Variants in RBMS3 observed in about 807,000 individuals in gnomAD.
RBMS3 encodes the protein RNA-binding motif, single-stranded-interacting protein 3.
In RBMS3, 27 loss-of-function variants were observed where a neutral mutation model predicts 66.8. The observed-to-expected ratio is 0.40, with a 90% CI of 0.30 to 0.56. RBMS3 has a LOEUF of 0.56. Among genes scored for constraint, RBMS3 ranks in the 20% least tolerant of loss-of-function variants. RBMS3 has a pLI of 0.40. For synonymous variants in RBMS3, 188 were observed against 183.0 expected (o/e 1.03, Z -0.22); for missense variants, 513 against 549.5 (o/e 0.93, Z 0.66).
intron 5 of RBMS3, among the ~76,000 whole-genome samples, chr3:29,742,412 C>A (rs2054688447): frequency 1.3e-5 from 2 of 152,176 alleles, no homozygotes; most frequent in African/African-American, 4.8e-5. Flanking sequence ...CAGCATCATT[C>A]TTGATATTGC....
chr3:29,387,275 C>G (rs2039052891), intron 1 of RBMS3, among the ~76,000 whole-genome samples: 1 of 152,044 alleles, frequency 6.6e-6, no homozygotes, highest in Non-Finnish European at 1.5e-5. Context: ...AATAGGAATT[C>G]CAAAGTTAAC....
At chr3:29,739,656 C>G in intron 4 of RBMS3, 64 bp from the exon 5 acceptor site, 1 of 1,372,500 alleles carries the variant, frequency 7.3e-7, no homozygotes, top group Non-Finnish European at 9.7e-7. Context: ...ACAAAAGTTT[C>G]TCTATTTGTA....
intron 12 of RBMS3, among the ~76,000 whole-genome samples, chr3:29,951,869 T>C (rs1246178189): frequency 6.6e-6 from 1 of 151,640 alleles, no homozygotes; most frequent in Non-Finnish European, 1.5e-5. Context: ...AGTGAAAAGA[T>C]GACAAAAGTG....
At chr3:29,600,171 C>G (rs1334372088) in intron 4 of RBMS3, among the ~76,000 whole-genome samples, 1 of 152,000 alleles carries the variant, frequency 6.6e-6, no homozygotes, top group Non-Finnish European at 1.5e-5. Context: ...TAATTTCCTT[C>G]TAGAAACCCA....
intron 3 of RBMS3, among the ~76,000 whole-genome samples, chr3:29,518,192 C>T (rs977362405): frequency 6.6e-6 from 1 of 152,164 alleles, no homozygotes; most frequent in Non-Finnish European, 1.5e-5. Flanking sequence ...GTAGCTAGCA[C>T]CTGTATTACT....
chr3:29,866,740 G>A (rs2059372518), intron 6 of RBMS3, among the ~76,000 whole-genome samples: 2 of 152,090 alleles, frequency 1.3e-5, no homozygotes, highest in Admixed American at 6.5e-5. Context: ...TAAAGAATTA[G>A]GAATCAGAAT....
rs75647108 is a variant in RBMS3, at chr3:29,910,166, A to G, written c.939+10411A>G. 3.6e-3 allele frequency among the ~76,000 whole-genome samples: 550 copies of G among 152,252 alleles called. 8 individuals are homozygous for G. In the East Asian group the frequency reaches 0.049, roughly 14 times the overall value. On this transcript the variant is annotated intron_variant, in intron 10 of 14. Transcript: ENST00000383767. ...TATTAAATTCTTATTTCCTAAAGAA[A>G]GAAAATATGCAGCTAAAATAAAGTC...
At chr3:29,895,317 A>T (rs931971544) in intron 8 of RBMS3, among the ~76,000 whole-genome samples, 1 of 151,498 alleles carries the variant, frequency 6.6e-6, no homozygotes, top group Non-Finnish European at 1.5e-5. Flanking sequence ...CACTCTCTTT[A>T]GTGTACAGTT....
At chr3:29,738,559 CATT>C (rs1413739362) in intron 4 of RBMS3, among the ~76,000 whole-genome samples, 1 of 152,130 alleles carries the variant, frequency 6.6e-6, no homozygotes, top group Non-Finnish European at 1.5e-5. Flanking sequence ...CTTATTTAAG[CATT>C]ATTGGTGCTG....
intron 4 of RBMS3, among the ~76,000 whole-genome samples, chr3:29,637,040 G>C (rs2049503094): frequency 6.6e-6 from 1 of 151,892 alleles, no homozygotes; most frequent in African/African-American, 2.4e-5. Context: ...AATGAGGCTG[G>C]AGAAAGTTTC....
In RBMS3 at chr3:29,325,514, A is replaced by ATG. The variant is rs1553633558; in HGVS notation, c.75+43770_75+43771dup. ...TCCCATTAAATGCATATATATATAT[A>ATG]TGTGTGTGTGTGTATGTATGTATAT... On this transcript the variant is annotated intron_variant, in intron 1 of 14. Transcript: ENST00000383767. 1.4e-3 allele frequency among the ~76,000 whole-genome samples: 211 copies of ATG among 149,806 alleles called. 1 individual carries two copies. The highest frequency in any genetic ancestry group is 4.6e-3 in the African/African-American group (188 of 41,094).
At chr3:29,921,983 G>A (rs1189414725) in intron 10 of RBMS3, among the ~76,000 whole-genome samples, 1 of 152,084 alleles carries the variant, frequency 6.6e-6, no homozygotes, top group Admixed American at 6.6e-5. Flanking sequence ...TGGCTCAACT[G>A]TGACTCTAGG....
intron 1 of RBMS3, among the ~76,000 whole-genome samples, chr3:29,315,898 A>G (rs1451711032): frequency 1.3e-5 from 2 of 151,664 alleles, no homozygotes; most frequent in African/African-American, 4.8e-5. Flanking sequence ...CCCACAAACA[A>G]CATATGAGAG....
intron 8 of RBMS3, among the ~76,000 whole-genome samples, chr3:29,894,166 G>A (rs1449656781): frequency 1.3e-5 from 2 of 151,424 alleles, no homozygotes; most frequent in Non-Finnish European, 3.0e-5. Context: ...AGCCGATTCT[G>A]GTAAAGGCTC....
At chr3:29,313,728 G>A (rs928849504) in intron 1 of RBMS3, among the ~76,000 whole-genome samples, 2 of 151,688 alleles carry the variant, frequency 1.3e-5, no homozygotes, top group Non-Finnish European at 2.9e-5. Flanking sequence ...GCTTACTAGA[G>A]GACAGCATTG....
chr3:29,855,734 A>G (rs75502454), intron 6 of RBMS3, among the ~76,000 whole-genome samples: 12,557 of 152,278 alleles, frequency 0.082, 729 homozygotes, highest in African/African-American at 0.16. Context: ...ATTAAGTTCA[A>G]TCTTGGCTTA....
chr3:29,942,878 T>C (rs1489411588), intron 11 of RBMS3, among the ~76,000 whole-genome samples: 1 of 151,356 alleles, frequency 6.6e-6, no homozygotes, highest in Admixed American at 6.6e-5. Flanking sequence ...TAGGAGTTAC[T>C]ACTATTATTT....
At chr3:29,681,679 T>C (rs1402549553) in intron 4 of RBMS3, among the ~76,000 whole-genome samples, 3 of 152,222 alleles carry the variant, frequency 2.0e-5, no homozygotes, top group African/African-American at 7.2e-5. Flanking sequence ...GCAAAGGACA[T>C]GATCTTCTTC....
chr3:29,964,344 A>T (rs976217794), intron 12 of RBMS3, among the ~76,000 whole-genome samples: 3 of 152,206 alleles, frequency 2.0e-5, no homozygotes, highest in African/African-American at 4.8e-5. Flanking sequence ...TAACACTGGA[A>T]AGGGAAATCC....
Sources: allele counts gnomAD v4.1 joint callset (sites outside exome capture counted in the v4.1 genomes callset), GRCh38; gene constraint gnomAD v4.1.1; transcripts MANE v1.5; gene names NCBI Gene and HGNC (gene_info 2026-07-23, HGNC 2026-07-21).